The following IQSEC1 variants were observed in gnomAD, a reference collection of about 807,000 sequenced individuals.
IQSEC1 encodes IQ motif and Sec7 domain ArfGEF 1.
A neutral mutation model predicts 91.0 loss-of-function variants in IQSEC1; 31 were observed. The observed-to-expected ratio is 0.34, with a 90% CI of 0.26 to 0.46. The LOEUF is 0.46. Ranked by LOEUF, IQSEC1 falls within the 20% of genes least tolerant of loss-of-function variation. IQSEC1 has a pLI of 1.00. For missense variants in IQSEC1, 1,388 were observed against 1,575.6 expected (o/e 0.88, Z 2.02); for synonymous variants, 699 against 662.6 (o/e 1.05, Z -0.84).
intron 1 of IQSEC1, among the ~76,000 whole-genome samples, chr3:13,234,453 C>T (rs576000190): frequency 4.7e-4 from 71 of 152,356 alleles, no homozygotes; most frequent in Non-Finnish European, 5.7e-4. Context: ...ACCTCTCCAG[C>T]AGGAAGCCTG....
intron 1 of IQSEC1, among the ~76,000 whole-genome samples, chr3:12,998,863 G>T (rs1702318024): frequency 6.6e-6 from 1 of 152,004 alleles, no homozygotes; most frequent in Non-Finnish European, 1.5e-5. Context: ...CTATAAAGTG[G>T]GGGGTCGGGG....
At position 13,203,524 on chromosome 3, in the gene IQSEC1, G is replaced by A. The variant is rs552608213; in HGVS notation, c.273-39391C>T. On this transcript the variant is annotated intron_variant, in intron 1 of 15. Transcript: ENST00000648114. ...CTGGTGATGCCCCTGCCCCAGGCCC[G>A]TGGCAGGAACAGGAGGTCTGCAGGG... Among the ~76,000 whole-genome samples, 7 of 152,226 alleles carry A rather than the reference G, an allele frequency of 4.6e-5. No homozygotes were observed. In the South Asian group the frequency reaches 1.2e-3, roughly 27 times the overall value.
chr3:13,227,102 G>C (rs929917913), intron 1 of IQSEC1, among the ~76,000 whole-genome samples: 4 of 151,912 alleles, frequency 2.6e-5, no homozygotes, highest in Admixed American at 2.0e-4. Flanking sequence ...CCGGCCAGGC[G>C]TGGTGGCTCA....
At position 12,927,467 on chromosome 3, in the gene IQSEC1, C is replaced by T. The variant is rs144022053; in HGVS notation, c.1569-2725G>A. Among the ~76,000 whole-genome samples the T allele has an allele frequency of 7.5e-3, 1,078 of 143,512 alleles. 16 individuals are homozygous for T. The highest frequency in any genetic ancestry group is 0.028 in the African/African-American group (1,041 of 37,132). 94.1% of individuals were successfully genotyped at this position (143,512 alleles called of 152,430 possible). A position where few individuals can be genotyped will look rare whatever the true frequency, so the allele number is the denominator to read the frequency against. ...CACATAGGTGCATGCTCTAACTCCACCCAGGCTGTCTGGTCCCTCCAGGCC... is the reference window on the plus strand; with the variant it reads ...CACATAGGTGCATGCTCTAACTCCATCCAGGCTGTCTGGTCCCTCCAGGCC... On this transcript the variant is annotated intron_variant, in intron 3 of 13. Coordinates refer to ENST00000613206, the MANE Select transcript of IQSEC1 (RefSeq NM_001134382.3).
At chr3:13,038,240 G>GTA (rs1296594428) in intron 1 of IQSEC1, among the ~76,000 whole-genome samples, 2 of 92,256 alleles carry the variant, frequency 2.2e-5, no homozygotes, top group Non-Finnish European at 4.3e-5. Flanking sequence ...AAATATACAA[G>GTA]TATATATATG....
chr3:13,111,174 T>C (rs1174955115), intron 2 of IQSEC1, among the ~76,000 whole-genome samples: 2 of 151,898 alleles, frequency 1.3e-5, no homozygotes, highest in East Asian at 3.9e-4. Context: ...GGGAGGAGAG[T>C]TCTGTCCTGA....
At chr3:13,094,390 C>T (rs1705919734) in intron 2 of IQSEC1, among the ~76,000 whole-genome samples, 1 of 152,168 alleles carries the variant, frequency 6.6e-6, no homozygotes, top group Non-Finnish European at 1.5e-5. Flanking sequence ...CCACCCCTCT[C>T]CCGGAGCCAC....
intron 1 of IQSEC1, among the ~76,000 whole-genome samples, chr3:12,995,596 T>C (rs1702197498): frequency 1.3e-5 from 2 of 152,212 alleles, no homozygotes; most frequent in African/African-American, 2.4e-5. Flanking sequence ...CCTGCGAAGC[T>C]GTAGCGTCTA....
chr3:12,958,345 G>A (rs1033199470), intron 1 of IQSEC1, among the ~76,000 whole-genome samples: 3 of 152,164 alleles, frequency 2.0e-5, no homozygotes, highest in Non-Finnish European at 4.4e-5. Flanking sequence ...GCTCTTCCCC[G>A]GCAACTGTCT....
intron 1 of IQSEC1, among the ~76,000 whole-genome samples, chr3:13,181,139 C>T (rs191881860): frequency 1.2e-4 from 19 of 152,266 alleles, no homozygotes; most frequent in South Asian, 4.1e-4. Flanking sequence ...GGCGTGGTGG[C>T]GGGCGCCTGT....
At chr3:12,954,096 A>G (rs2125437794) in intron 1 of IQSEC1, among the ~76,000 whole-genome samples, 1 of 152,342 alleles carries the variant, frequency 6.6e-6, no homozygotes, top group Middle Eastern at 3.4e-3. Flanking sequence ...TTGTCCTGTC[A>G]AAGGCAGTCT....
At chr3:12,974,926 C>T (rs1024777731) in intron 1 of IQSEC1, among the ~76,000 whole-genome samples, 3 of 152,250 alleles carry the variant, frequency 2.0e-5, no homozygotes, top group Admixed American at 6.5e-5. Flanking sequence ...CTCTGTCCCC[C>T]GTGTCCACTC....
In IQSEC1 at chr3:12,908,636, A is replaced by G; in HGVS notation, c.2579-111T>C. On this transcript the variant is annotated intron_variant, in intron 11 of 13. Transcript: ENST00000613206. This position sits in a 1 kb window ranked among gnomAD's most constrained non-coding sequence, Gnocchi z 4.9. ...TGTCCTGAGCCACCATCTGCTTGGA[A>G]TGGGGAAGGGTTGTTTCTGGGAAAG... 1 of 1,188,238 alleles carries G rather than the reference A, an allele frequency of 8.4e-7. No individual in the cohort carries two copies. The allele number at this position is 1,188,238 out of a possible 1,614,324, so 73.6% of individuals were successfully genotyped here.
intron 1 of IQSEC1, among the ~76,000 whole-genome samples, chr3:13,246,733 T>C (rs1283920734): frequency 6.6e-6 from 1 of 152,136 alleles, no homozygotes; most frequent in African/African-American, 2.4e-5. Context: ...GTGTGGCTGA[T>C]GCAGGAATGG....
chr3:12,938,762 G>C (rs547345275), intron 2 of IQSEC1, among the ~76,000 whole-genome samples: 235 of 152,260 alleles, frequency 1.5e-3, no homozygotes, highest in Non-Finnish European at 2.9e-3. Context: ...CTTCTCACCT[G>C]CTGGCTCCGG....
rs1696762635 is a variant in IQSEC1 at position 12,922,861 on chromosome 3, C to G, written c.1731-619G>C. Among the ~76,000 whole-genome samples the G allele has an allele frequency of 6.6e-6, 1 of 152,148 alleles. No individual in the cohort carries two copies. Among genetic ancestry groups the G allele is most frequent in the South Asian group, 2.1e-4 (1 of 4,836 alleles). The stretch of plus-strand genomic sequence containing the variant: ...CCCCGGCACACCCTTCCAGTCCCTC[C>G]TATGGTGACCCCTGAACAGAGAAGA... On this transcript the variant is annotated intron_variant, in intron 4 of 13. Transcript: ENST00000613206. This position sits in a 1 kb window ranked among gnomAD's most constrained non-coding sequence, Gnocchi z 5.1.
rs182194189 is a variant in IQSEC1 at position 12,932,859 on chromosome 3, C to T, written c.1568+2589G>A. 1.4e-3 allele frequency among the ~76,000 whole-genome samples: 206 copies of T among 152,340 alleles called. 1 individual carries two copies. The highest frequency in any genetic ancestry group is 1.2e-3 in the South Asian group (6 of 4,824). On this transcript the variant is annotated intron_variant, in intron 3 of 13. Coordinates refer to ENST00000613206, the MANE Select transcript of IQSEC1 (RefSeq NM_001134382.3). The stretch of plus-strand genomic sequence containing the variant: ...GTCAGCTGGGCCAGCTGGGAGTAAG[C>T]GGCAGATGCCCAGAGGAACATCTGG...
At chr3:13,230,884 T>C (rs1446681223) in intron 1 of IQSEC1, among the ~76,000 whole-genome samples, 1 of 152,230 alleles carries the variant, frequency 6.6e-6, no homozygotes, top group Non-Finnish European at 1.5e-5. Flanking sequence ...ATGGACAAAA[T>C]GAATATTTTC....
intron 1 of IQSEC1, among the ~76,000 whole-genome samples, chr3:12,964,136 A>G (rs1700411729): frequency 6.6e-6 from 1 of 152,356 alleles, no homozygotes; most frequent in South Asian, 2.1e-4. Flanking sequence ...CATAAATGCC[A>G]TCAATTTCCT....
Sources: gnomAD v4.1 joint callset for allele counts (sites outside exome capture counted in the v4.1 genomes callset) on GRCh38, gnomAD v4.1.1 for gene constraint, Gnocchi (gnomAD v3.1) non-coding constraint, MANE v1.5 for transcripts, NCBI Gene and HGNC (gene_info 2026-07-23, HGNC 2026-07-21) for gene names.